TRPM3: variants seen among roughly 807,000 people sequenced by gnomAD.
The protein encoded by TRPM3 is long transient receptor potential channel 3.
TRPM3 carries 77 observed loss-of-function variants against 181.2 expected under a neutral mutation model. The observed-to-expected ratio is 0.42, with a 90% confidence interval of 0.35 to 0.51. The LOEUF is 0.51. Ranked by LOEUF, TRPM3 falls within the 20% of genes least tolerant of loss-of-function variation. The pLI, the probability that TRPM3 is intolerant of heterozygous loss-of-function variation, is 0.01. For missense variants in TRPM3, 1,759 were observed against 2,196.7 expected (o/e 0.80, Z 3.98); for synonymous variants, 745 against 796.4 (o/e 0.94, Z 1.09).
At chr9:70,808,236 T>A (rs1025113854) in intron 6 of TRPM3, among the ~76,000 whole-genome samples, 3 of 152,168 alleles carry the variant, frequency 2.0e-5, no homozygotes, top group Admixed American at 6.5e-5. Context: ...AAAATGCCAG[T>A]CAAACATTGG....
At chr9:70,559,057 T>G (rs954805437) in intron 22 of TRPM3, among the ~76,000 whole-genome samples, 3 of 152,208 alleles carry the variant, frequency 2.0e-5, no homozygotes, top group African/African-American at 7.2e-5. Context: ...AGCACAGCCT[T>G]CCAATGGTTG....
chr9:70,618,113 T>C (rs1304982311), intron 17 of TRPM3, among the ~76,000 whole-genome samples: 4 of 152,210 alleles, frequency 2.6e-5, no homozygotes, highest in Admixed American at 1.3e-4. Flanking sequence ...CTTTTTCAGT[T>C]TCACATTTTC....
At chr9:71,371,704 G>A (rs904714136) in intron 1 of TRPM3, among the ~76,000 whole-genome samples, 3 of 152,146 alleles carry the variant, frequency 2.0e-5, no homozygotes, top group Non-Finnish European at 2.9e-5. Context: ...GCAGAGGCAG[G>A]GTTTAAGAGG....
chr9:70,785,627 G>C (rs541746539), intron 6 of TRPM3, among the ~76,000 whole-genome samples: 1 of 152,256 alleles, frequency 6.6e-6, no homozygotes, highest in Non-Finnish European at 1.5e-5. Flanking sequence ...CTGATATCAA[G>C]AAACTGCTTC....
At chr9:70,793,887 T>A (rs917260466) in intron 6 of TRPM3, among the ~76,000 whole-genome samples, 1 of 152,142 alleles carries the variant, frequency 6.6e-6, no homozygotes, top group African/African-American at 2.4e-5. Flanking sequence ...ATAGACTTTG[T>A]GTTAGATGAT....
intron 1 of TRPM3, among the ~76,000 whole-genome samples, chr9:71,398,370 T>C (rs1273779623): frequency 6.6e-6 from 1 of 152,176 alleles, no homozygotes; most frequent in Non-Finnish European, 1.5e-5. Flanking sequence ...TGAGAAGCTG[T>C]GTGTACTTTG....
At chr9:71,140,698 T>C (rs1457467770) in intron 1 of TRPM3, among the ~76,000 whole-genome samples, 1 of 152,230 alleles carries the variant, frequency 6.6e-6, no homozygotes, top group African/African-American at 2.4e-5. Flanking sequence ...GCTTTTGCTA[T>C]ATGTCAGGTA....
intron 19 of TRPM3, among the ~76,000 whole-genome samples, chr9:70,609,227 G>T (rs2061660028): frequency 6.6e-6 from 1 of 152,180 alleles, no homozygotes; most frequent in Non-Finnish European, 1.5e-5. Flanking sequence ...TTCCCACCCA[G>T]GCTGTCTGAT....
intron 1 of TRPM3, among the ~76,000 whole-genome samples, chr9:71,288,207 T>C (rs552998346): frequency 6.6e-6 from 1 of 151,540 alleles, no homozygotes; most frequent in African/African-American, 2.4e-5. Context: ...ATATTTAATA[T>C]CATAATTATG....
At chr9:71,340,817 G>A (rs7045863) in intron 1 of TRPM3, among the ~76,000 whole-genome samples, 149,876 of 152,140 alleles carry the variant, frequency 0.99, 73,863 homozygotes, top group East Asian at 1. Flanking sequence ...CCATTTTCCA[G>A]TAAAAGAAAC....
At chr9:70,573,362 C>T (rs2052972597) in intron 22 of TRPM3, among the ~76,000 whole-genome samples, 2 of 152,156 alleles carry the variant, frequency 1.3e-5, no homozygotes, top group African/African-American at 4.8e-5. Flanking sequence ...ATTCACAGCT[C>T]ATTAAAAACA....
In TRPM3 at chr9:70,786,311, C is replaced by CAAAAAAAAAAAAAAAAAAAAAA. The variant is rs71367227; in HGVS notation, c.974-2054_974-2033dup. Among the ~76,000 whole-genome samples the CAAAAAAAAAAAAAAAAAAAAAA allele has an allele frequency of 6.1e-4, 33 of 54,456 alleles. 2 individuals carry two copies. Among genetic ancestry groups the CAAAAAAAAAAAAAAAAAAAAAA allele is most frequent in the African/African-American group, 7.0e-4 (10 of 14,272 alleles). 35.7% of individuals were successfully genotyped at this position (54,456 alleles called of 152,430 possible). On this transcript the variant is annotated intron_variant, in intron 6 of 25. Coordinates refer to ENST00000677713, the MANE Select transcript of TRPM3 (RefSeq NM_001366145.2). The stretch of plus-strand genomic sequence containing the variant: ...GAAACCCTGTCACTACTAAAAATAC[C>CAAAAAAAAAAAAAAAAAAAAAA]AAAAAAAAAAAAAAAAAAAAAAAAT...
At chr9:71,096,447 C>T (rs2067218024) in intron 1 of TRPM3, among the ~76,000 whole-genome samples, 1 of 150,990 alleles carries the variant, frequency 6.6e-6, no homozygotes, top group Non-Finnish European at 1.5e-5. Context: ...ACTATGTTGC[C>T]TCTGGGTGCT....
chr9:70,579,806 T>G (rs2055145098), intron 22 of TRPM3, among the ~76,000 whole-genome samples: 1 of 152,200 alleles, frequency 6.6e-6, no homozygotes, highest in South Asian at 2.1e-4. Flanking sequence ...AAAACTGCCA[T>G]GTAGGCAAAG....
intron 1 of TRPM3, among the ~76,000 whole-genome samples, chr9:71,006,012 A>T (rs2097669595): frequency 6.6e-6 from 1 of 152,226 alleles, no homozygotes; most frequent in Non-Finnish European, 1.5e-5. Flanking sequence ...AACTTGAAAC[A>T]TCAAAAAGTC....
At chr9:70,863,738 T>A (rs149204046) in intron 2 of TRPM3, among the ~76,000 whole-genome samples, 16 of 152,276 alleles carry the variant, frequency 1.1e-4, no homozygotes, top group Middle Eastern at 3.4e-3. Flanking sequence ...TTATGACTAT[T>A]AGTCATAATA....
intron 1 of TRPM3, among the ~76,000 whole-genome samples, chr9:71,249,779 C>T (rs994455381): frequency 6.6e-6 from 1 of 152,044 alleles, no homozygotes; most frequent in African/African-American, 2.4e-5. Context: ...TGGGAATCTA[C>T]GAGATAGGAA....
At position 70,948,924 on chromosome 9, in the gene TRPM3, A is replaced by C. The variant is rs370678677; in HGVS notation, c.178-84413T>G. ...TCATCATATTGTATCCTTACTACAG[A>C]CAGGCCTGCTGTTTTGCTGATCCTG... is the stretch of plus-strand genomic sequence containing the variant. On this transcript the variant is annotated intron_variant, in intron 1 of 25. Coordinates refer to ENST00000677713, the MANE Select transcript of TRPM3 (RefSeq NM_001366145.2). Among the ~76,000 whole-genome samples the C allele has an allele frequency of 5.0e-4, 76 of 152,296 alleles. 1 individual carries two copies. The South Asian group carries it at 0.016, about 31-fold the overall frequency.
intron 12 of TRPM3, among the ~76,000 whole-genome samples, chr9:70,634,571 C>G (rs911813619): frequency 1.3e-5 from 2 of 152,124 alleles, no homozygotes; most frequent in Non-Finnish European, 2.9e-5. Flanking sequence ...GAACTTTAAA[C>G]CTAGCTCTTC....
Sources: allele counts gnomAD v4.1 joint callset (sites outside exome capture counted in the v4.1 genomes callset), GRCh38; gene constraint gnomAD v4.1.1; transcripts MANE v1.5; gene names NCBI Gene and HGNC (gene_info 2026-07-23, HGNC 2026-07-21).